Variants in SYNE3 observed in about 807,000 individuals in gnomAD.
SYNE3 encodes the protein nesprin-3.
In SYNE3, 100 loss-of-function variants were observed where a neutral mutation model predicts 111.2. That is an observed-to-expected ratio of 0.90 (90% confidence interval 0.77 to 1.06). The LOEUF is 1.06. Ranked by LOEUF, SYNE3 falls within the 50% of genes least tolerant of loss-of-function variation. The pLI, the probability that SYNE3 is intolerant of heterozygous loss-of-function variation, is 0.00. For synonymous variants in SYNE3, 547 were observed against 533.9 expected (o/e 1.02, Z -0.34); for missense variants, 1,160 against 1,240.3 (o/e 0.94, Z 0.97).
At chr14:95,514,738 C>T (rs955244948) in intron 1 of SYNE3, among the ~76,000 whole-genome samples, 1 of 152,248 alleles carries the variant, frequency 6.6e-6, no homozygotes, top group Non-Finnish European at 1.5e-5. Flanking sequence ...AACTTGACTG[C>T]CCCATTCCTA....
Position 95,412,609 on chromosome 14 carries a change from T to G in SYNE3, c.*5217A>C, listed in dbSNP as rs1392668814. On this transcript the variant is annotated 3_prime_UTR_variant, in exon 18 of 18. Transcript: ENST00000682763. ...GGCCAGTGAGCACCTGGGTTTTATTTTTTTAGAGGCCACAGCTGGCAGGCT... is the reference window on the plus strand; with the variant it reads ...GGCCAGTGAGCACCTGGGTTTTATTGTTTTAGAGGCCACAGCTGGCAGGCT... 1 of 152,168 alleles carries G rather than the reference T, an allele frequency of 6.6e-6. No homozygotes were observed. The allele number at this position is 152,168 out of a possible 1,614,324, so 9.4% of individuals were successfully genotyped here.
At position 95,418,022 on chromosome 14, in the gene SYNE3, C is replaced by T. The variant is rs781142957; in HGVS notation, c.2732G>A (p.Arg911Gln). 1.3e-5 allele frequency: 21 copies of T among 1,608,578 alleles called. No individual in the cohort carries two copies. Among genetic ancestry groups the T allele is most frequent in the South Asian group, 9.9e-5 (9 of 90,952 alleles). ...GAGGGAGCCCAGTCCTCGCCACCGC[C>T]GAGTCTGCGGAACCAACACAGCACA... The part of the protein sequence containing the change: ...PGEPTGFQKT[R>Q]RWRGLGSLFR... The change falls in exon 18 of 18, where the codon CGG becomes CAG. Residue 911 changes from arginine (R) to glutamine (Q), a missense_variant. Coordinates refer to ENST00000682763, the MANE Select transcript of SYNE3 (RefSeq NM_152592.6).
chr14:95,441,302 C>G (rs1005214375), intron 11 of SYNE3, among the ~76,000 whole-genome samples: 6 of 152,202 alleles, frequency 3.9e-5, no homozygotes, highest in Non-Finnish European at 7.3e-5. Flanking sequence ...ATCTAAAACT[C>G]CACTTCTCTG....
Position 95,455,361 on chromosome 14 carries a change from G to C in SYNE3, c.1137+16C>G. On this transcript the variant is annotated intron_variant, in intron 6 of 17. Coordinates refer to ENST00000682763, the MANE Select transcript of SYNE3 (RefSeq NM_152592.6). ...GACAGCACCCTGGGCTCCATGACTC[G>C]GCCAAGCACGCTTACCGAGTAGCGT... 1.3e-6 allele frequency: 2 copies of C among 1,513,718 alleles called. No homozygotes were observed. The highest frequency in any genetic ancestry group is 1.8e-6 in the Non-Finnish European group (2 of 1,131,880). 93.8% of individuals were successfully genotyped at this position (1,513,718 alleles called of 1,614,324 possible).
intron 10 of SYNE3, chr14:95,443,548 A>C: frequency 2.4e-6 from 1 of 411,260 alleles, no homozygotes. Flanking sequence ...GACAGATGGC[A>C]TCTCTGGGGA....
intron 1 of SYNE3, among the ~76,000 whole-genome samples, chr14:95,479,602 G>A (rs1379091600): frequency 2.6e-5 from 4 of 152,152 alleles, no homozygotes; most frequent in Admixed American, 2.6e-4. Context: ...AGGTGCTGAG[G>A]ATGTAGAGAC....
chr14:95,432,973 G>C (rs963046540), intron 16 of SYNE3, among the ~76,000 whole-genome samples: 1 of 152,160 alleles, frequency 6.6e-6, no homozygotes, highest in African/African-American at 2.4e-5. Flanking sequence ...GTGCACACAG[G>C]GCCCTCGGCT....
At chr14:95,488,415 CG>C (rs1889659526) in intron 1 of SYNE3, among the ~76,000 whole-genome samples, 1 of 152,138 alleles carries the variant, frequency 6.6e-6, no homozygotes. Context: ...CATGCACCCA[CG>C]GATGGATAGT....
intron 15 of SYNE3, among the ~76,000 whole-genome samples, chr14:95,435,043 G>C (rs984233107): frequency 6.6e-6 from 1 of 152,194 alleles, no homozygotes; most frequent in Non-Finnish European, 1.5e-5. Context: ...AAGAAACCAA[G>C]AGTAAGAACA....
intron 10 of SYNE3, 107 bp downstream of exon 10, chr14:95,444,378 G>A: frequency 7.0e-7 from 1 of 1,438,544 alleles, no homozygotes; most frequent in East Asian, 2.4e-5. Flanking sequence ...CTAAATTTCT[G>A]GCTCACGGCA....
At chr14:95,431,053 G>A (rs1885734492) in intron 17 of SYNE3, among the ~76,000 whole-genome samples, 1 of 152,224 alleles carries the variant, frequency 6.6e-6, no homozygotes, top group Non-Finnish European at 1.5e-5. Context: ...AGATTCCAAA[G>A]AATGAGAGAT....
chr14:95,490,736 C>T (rs901415451), intron 1 of SYNE3, among the ~76,000 whole-genome samples: 5 of 152,242 alleles, frequency 3.3e-5, no homozygotes, highest in Non-Finnish European at 5.9e-5. Context: ...GACTCCACAG[C>T]TCAACCTGAC....
chr14:95,431,274 A>G (rs1379165855), intron 17 of SYNE3, among the ~76,000 whole-genome samples: 3 of 152,210 alleles, frequency 2.0e-5, no homozygotes, highest in Non-Finnish European at 4.4e-5. Context: ...GTTTAACAAC[A>G]TGAGTTTTGG....
At chr14:95,438,883 TG>T in intron 14 of SYNE3, 149 bp downstream of exon 14, 2 of 1,108,634 alleles carry the variant, frequency 1.8e-6, no homozygotes, top group Non-Finnish European at 2.6e-6. Context: ...TGGCCACAGC[TG>T]GGGCAGGCTC....
At chr14:95,474,281 G>A (rs1888740452) in intron 2 of SYNE3, among the ~76,000 whole-genome samples, 1 of 152,254 alleles carries the variant, frequency 6.6e-6, no homozygotes, top group African/African-American at 2.4e-5. Context: ...GAGAGCCACG[G>A]AAGGTTTTAG....
At chr14:95,418,076 G>C in intron 17 of SYNE3, 50 bp from the exon 18 acceptor site, 3 of 1,594,716 alleles carry the variant, frequency 1.9e-6, no homozygotes, top group Non-Finnish European at 2.6e-6. Context: ...CTCTGGTGGT[G>C]GGGGGCAGGT....
At chr14:95,429,659 C>G (rs1477578745) in intron 17 of SYNE3, among the ~76,000 whole-genome samples, 1 of 152,130 alleles carries the variant, frequency 6.6e-6, no homozygotes, top group African/African-American at 2.4e-5. Context: ...TTTTACACAT[C>G]CAATTGTTTT....
At chr14:95,498,941 G>A in intron 1 of SYNE3, among the ~76,000 whole-genome samples, 1 of 152,178 alleles carries the variant, frequency 6.6e-6, no homozygotes, top group East Asian at 1.9e-4. Flanking sequence ...TTCAGCTTTG[G>A]TTTACAAAAA....
At chr14:95,491,624 A>T (rs1267917256) in intron 1 of SYNE3, among the ~76,000 whole-genome samples, 1 of 152,242 alleles carries the variant, frequency 6.6e-6, no homozygotes, top group African/African-American at 2.4e-5. Context: ...CAAAACTCTG[A>T]AGAAGAAAAC....
Sources: gnomAD v4.1 joint callset for allele counts (sites outside exome capture counted in the v4.1 genomes callset) on GRCh38, gnomAD v4.1.1 for gene constraint, MANE v1.5 for transcripts, NCBI Gene and HGNC (gene_info 2026-07-23, HGNC 2026-07-21) for gene names.